The following MTMR3 variants were observed in gnomAD, a reference collection of about 807,000 sequenced individuals.
MTMR3 encodes phosphatidylinositol-3,5-bisphosphate 3-phosphatase MTMR3.
In MTMR3, 32 loss-of-function variants were observed where a neutral mutation model predicts 132.4. That is an observed-to-expected ratio of 0.24 (90% confidence interval 0.18 to 0.32). The LOEUF is 0.32. Ranked by LOEUF, MTMR3 falls within the 10% of genes least tolerant of loss-of-function variation. The pLI, the probability that MTMR3 is intolerant of heterozygous loss-of-function variation, is 1.00. For missense variants in MTMR3, 1,216 were observed against 1,489.6 expected (o/e 0.82, Z 3.02); for synonymous variants, 556 against 550.3 (o/e 1.01, Z -0.14).
chr22:30,023,844 G>C (rs11912066), intron 19 of MTMR3: 5,354 of 261,216 alleles, frequency 0.02, 206 homozygotes, highest in East Asian at 0.14. Flanking sequence ...TAATTTCCAG[G>C]TCAAACAGCA....
intron 1 of MTMR3, among the ~76,000 whole-genome samples, chr22:29,897,615 G>T (rs1272136945): frequency 6.6e-6 from 1 of 151,432 alleles, no homozygotes; most frequent in Non-Finnish European, 1.5e-5. Context: ...ACCATGCCCG[G>T]CTAATTTTCT....
At chr22:29,964,854 T>TTA (rs2066382943) in intron 2 of MTMR3, among the ~76,000 whole-genome samples, 1 of 152,222 alleles carries the variant, frequency 6.6e-6, no homozygotes, top group Admixed American at 6.5e-5. Context: ...TATTTTAAAC[T>TTA]TACTACTATT....
chr22:29,996,534 A>G (rs147715772), intron 7 of MTMR3: 1 of 151,746 alleles, frequency 6.6e-6, no homozygotes, highest in African/African-American at 2.4e-5. Flanking sequence ...ATTAATGTAC[A>G]GTTCAAGAAA....
chr22:29,961,471 AC>A (rs1221283610), intron 2 of MTMR3, among the ~76,000 whole-genome samples: 2 of 152,032 alleles, frequency 1.3e-5, no homozygotes, highest in African/African-American at 4.8e-5. Flanking sequence ...TGGCTACCCC[AC>A]CCCACCCATT....
At chr22:29,895,658 C>T (rs1254875120) in intron 1 of MTMR3, among the ~76,000 whole-genome samples, 1 of 152,170 alleles carries the variant, frequency 6.6e-6, no homozygotes, top group Non-Finnish European at 1.5e-5. Context: ...CCAGTGCTGG[C>T]TGCAGGCATT....
chr22:30,013,904 A>G, intron 14 of MTMR3: 1 of 199,072 alleles, frequency 5.0e-6, no homozygotes, highest in Non-Finnish European at 1.0e-5. Context: ...CCTTTGATGG[A>G]GGGTACACTA....
At chr22:30,023,627 G>T in intron 19 of MTMR3, 1 of 998,114 alleles carries the variant, frequency 1.0e-6, no homozygotes, top group Non-Finnish European at 1.6e-6. Context: ...GGGCTTGAGG[G>T]GATTCAAAGC....
At chr22:29,906,728 G>T (rs1269896274) in intron 1 of MTMR3, among the ~76,000 whole-genome samples, 1 of 152,100 alleles carries the variant, frequency 6.6e-6, no homozygotes, top group African/African-American at 2.4e-5. Context: ...GGAACTACTT[G>T]AGTTGCCCTA....
chr22:30,016,325 CA>C, intron 14 of MTMR3: 1 of 549,778 alleles, frequency 1.8e-6, no homozygotes, highest in Non-Finnish European at 3.2e-6. Flanking sequence ...GGGGCACCAA[CA>C]ACCTGTCTGA....
In MTMR3 at chr22:30,019,613, A is replaced by G. The variant is rs776117168; in HGVS notation, c.1954A>G (p.Ser652Gly). 1 of 1,614,182 alleles carries G rather than the reference A, an allele frequency of 6.2e-7. No individual in the cohort carries two copies. Among genetic ancestry groups the G allele is most frequent in the Admixed American group, 1.7e-5 (1 of 60,034 alleles). ...GCACCGGCGCTCACTAGAGCTGAGC[A>G]GCCTGGCTGGCCCTGGAGAGGATCC... ...QEHRRSLELS[S>G]LAGPGEDPLS... Residue 652 changes from serine to glycine, a missense_variant, in exon 17 of 20, where the codon AGC becomes GGC. By Grantham distance (56) the Ser-to-Gly change is moderately conservative. Coordinates refer to ENST00000401950, the MANE Select transcript of MTMR3 (RefSeq NM_021090.4).
intron 1 of MTMR3, among the ~76,000 whole-genome samples, chr22:29,952,835 TGA>T: frequency 6.6e-6 from 1 of 152,330 alleles, no homozygotes. Flanking sequence ...TTAATGCTCA[TGA>T]TTAATTTCTC....
intron 2 of MTMR3, among the ~76,000 whole-genome samples, chr22:29,963,952 A>G (rs181527972): frequency 1.3e-5 from 2 of 152,184 alleles, no homozygotes; most frequent in East Asian, 3.9e-4. Flanking sequence ...GCAAGATTTT[A>G]CATGGACATG....
intron 1 of MTMR3, among the ~76,000 whole-genome samples, chr22:29,951,476 T>C (rs1221937037): frequency 2.6e-5 from 4 of 152,204 alleles, no homozygotes; most frequent in Non-Finnish European, 5.9e-5. Context: ...CTGCCTCCTC[T>C]TCCCTGTTGA....
intron 12 of MTMR3, 108 bp from the exon 13 acceptor site, chr22:30,012,260 T>C: frequency 8.0e-7 from 1 of 1,246,282 alleles, no homozygotes; most frequent in Non-Finnish European, 1.1e-6. Flanking sequence ...AGTGTTATAT[T>C]TGGAGAGAGA....
At chr22:29,891,427 T>C (rs1006247864) in intron 1 of MTMR3, among the ~76,000 whole-genome samples, 1 of 150,586 alleles carries the variant, frequency 6.6e-6, no homozygotes, top group South Asian at 2.1e-4. Flanking sequence ...TATATGTGTA[T>C]GTATAATATG....
chr22:29,926,604 C>T (rs2065522451), intron 1 of MTMR3, among the ~76,000 whole-genome samples: 1 of 152,152 alleles, frequency 6.6e-6, no homozygotes, highest in South Asian at 2.1e-4. Context: ...AGTGGTATCT[C>T]ATTGTGGCTT....
chr22:29,922,131 A>T (rs1285536520), intron 1 of MTMR3, among the ~76,000 whole-genome samples: 1 of 151,148 alleles, frequency 6.6e-6, no homozygotes, highest in Non-Finnish European at 1.5e-5. Context: ...GGTTCAAGTG[A>T]TTCTCCTGCC....
At chr22:29,965,264 C>T (rs1407926959) in intron 2 of MTMR3, among the ~76,000 whole-genome samples, 1 of 151,540 alleles carries the variant, frequency 6.6e-6, no homozygotes, top group Non-Finnish European at 1.5e-5. Flanking sequence ...TGACTGACTG[C>T]AGTGCAGAAA....
At chr22:30,007,762 T>C (rs1223549419) in intron 10 of MTMR3, 139 bp from the exon 11 acceptor site, 10 of 1,000,332 alleles carry the variant, frequency 1.0e-5, no homozygotes, top group Non-Finnish European at 1.4e-5. Flanking sequence ...AGAAAAATCC[T>C]ATGTATCAAG....
Sources: gnomAD v4.1 joint callset for allele counts (sites outside exome capture counted in the v4.1 genomes callset) on GRCh38, gnomAD v4.1.1 for gene constraint, MANE v1.5 for transcripts, NCBI Gene and HGNC (gene_info 2026-07-23, HGNC 2026-07-21) for gene names.